The following DLC1 variants were observed in gnomAD, a reference collection of about 807,000 sequenced individuals.
The protein encoded by DLC1 is rho GTPase-activating protein 7.
A neutral mutation model predicts 140.3 loss-of-function variants in DLC1; 54 were observed. That is an observed-to-expected ratio of 0.38 (90% CI 0.31 to 0.48). DLC1 has a LOEUF of 0.48. DLC1 is among the 20% of genes least tolerant of loss of function. DLC1 has a pLI of 0.96. For synonymous variants in DLC1, 986 were observed against 728.1 expected (o/e 1.35, Z -5.70); for missense variants, 2,536 against 1,907.0 (o/e 1.33, Z -6.14).
At chr8:13,533,661 A>G (rs543601858) in intron 1 of DLC1, among the ~76,000 whole-genome samples, 1 of 152,088 alleles carries the variant, frequency 6.6e-6, no homozygotes, top group South Asian at 2.1e-4. Flanking sequence ...GATGCTTAAA[A>G]CCCGCTCCAT....
At chr8:13,406,038 G>C (rs991893272) in intron 2 of DLC1, among the ~76,000 whole-genome samples, 3 of 136,330 alleles carry the variant, frequency 2.2e-5, no homozygotes, top group African/African-American at 8.3e-5. Flanking sequence ...ATGGAGTCCA[G>C]CTCTGTCTCC....
At chr8:13,496,944 G>A (rs1392181128) in intron 2 of DLC1, among the ~76,000 whole-genome samples, 1 of 151,728 alleles carries the variant, frequency 6.6e-6, no homozygotes, top group Non-Finnish European at 1.5e-5. Flanking sequence ...GGGACTATAG[G>A]CGCCTGCCAC....
At chr8:13,188,603 CTTT>C (rs769280491) in intron 5 of DLC1, among the ~76,000 whole-genome samples, 1 of 116,176 alleles carries the variant, frequency 8.6e-6, no homozygotes, top group Non-Finnish European at 1.7e-5. Flanking sequence ...ATGTCTATTA[CTTT>C]TTTTTTTTTT....
chr8:13,493,804 A>G (rs1469075066), intron 2 of DLC1, among the ~76,000 whole-genome samples: 1 of 151,976 alleles, frequency 6.6e-6, no homozygotes, highest in East Asian at 1.9e-4. Context: ...TATGTCACCC[A>G]TTGGTCAATG....
chr8:13,360,477 G>A (rs1835171228), intron 4 of DLC1, among the ~76,000 whole-genome samples: 1 of 152,144 alleles, frequency 6.6e-6, no homozygotes, highest in South Asian at 2.1e-4. Context: ...AACCATGGCT[G>A]CACATTGACA....
intron 2 of DLC1, among the ~76,000 whole-genome samples, chr8:13,496,298 C>A (rs1354110783): frequency 1.3e-5 from 2 of 152,044 alleles, no homozygotes; most frequent in African/African-American, 4.8e-5. Context: ...AATAATAATG[C>A]AGATAAAAGG....
intron 2 of DLC1, among the ~76,000 whole-genome samples, chr8:13,411,403 A>G (rs1837774850): frequency 6.6e-6 from 1 of 152,204 alleles, no homozygotes; most frequent in Admixed American, 6.5e-5. Flanking sequence ...GGAAGGGATG[A>G]AAATCCAGAC....
chr8:13,447,375 T>C lies in DLC1; in HGVS notation c.1024-45756A>G, dbSNP rs751298537. ...CACTAACCTTTTGCGTGACATTGAG[T>C]AATACCTATTTGGCATGAACCAGGT... On this transcript the variant is annotated intron_variant, in intron 2 of 17. Coordinates refer to ENST00000276297, the MANE Select transcript of DLC1 (RefSeq NM_182643.3). Among the ~76,000 whole-genome samples the C allele has an allele frequency of 3.9e-4, 60 of 152,340 alleles. 1 individual carries two copies. The Middle Eastern group carries it at 0.014, about 35-fold the overall frequency.
chr8:13,331,124 C>G (rs1833568901), intron 4 of DLC1, among the ~76,000 whole-genome samples: 1 of 152,128 alleles, frequency 6.6e-6, no homozygotes, highest in Non-Finnish European at 1.5e-5. Flanking sequence ...CTTATTGCAG[C>G]CTTCTAGTAA....
chr8:13,152,768 G>C (rs1254390164), intron 5 of DLC1, among the ~76,000 whole-genome samples: 2 of 126,006 alleles, frequency 1.6e-5, no homozygotes. Context: ...AGCAAACCAT[G>C]ATCTTGCCAC....
intron 5 of DLC1, among the ~76,000 whole-genome samples, chr8:13,196,311 G>GA (rs1239198337): frequency 1.3e-5 from 2 of 152,036 alleles, no homozygotes; most frequent in Admixed American, 6.6e-5. Context: ...GATACAAGAA[G>GA]AAAAAAATAT....
At chr8:13,357,135 G>A (rs1345109580) in intron 4 of DLC1, among the ~76,000 whole-genome samples, 3 of 152,142 alleles carry the variant, frequency 2.0e-5, no homozygotes, top group African/African-American at 7.2e-5. Context: ...GTGGGGCATG[G>A]TGATGTGTGC....
At chr8:13,101,836 G>A (rs561615538) in intron 8 of DLC1, among the ~76,000 whole-genome samples, 62 of 152,260 alleles carry the variant, frequency 4.1e-4, no homozygotes, top group Non-Finnish European at 2.1e-4. Flanking sequence ...CAGGACTCAG[G>A]GATAAGCTGT....
chr8:13,149,529 TC>T (rs1438055496), intron 5 of DLC1, among the ~76,000 whole-genome samples: 1 of 152,194 alleles, frequency 6.6e-6, no homozygotes, highest in Non-Finnish European at 1.5e-5. Flanking sequence ...CTGTGTCTAT[TC>T]CTCATCTCAG....
intron 5 of DLC1, among the ~76,000 whole-genome samples, chr8:13,270,084 A>G (rs1027737914): frequency 6.6e-6 from 1 of 151,970 alleles, no homozygotes; most frequent in African/African-American, 2.4e-5. Flanking sequence ...AAATTAAAAA[A>G]CTTTCAAGTT....
At chr8:13,306,429 C>T (rs772741507) in intron 4 of DLC1, among the ~76,000 whole-genome samples, 3 of 152,014 alleles carry the variant, frequency 2.0e-5, no homozygotes, top group Non-Finnish European at 4.4e-5. Flanking sequence ...GGATTTGATG[C>T]CTTCCACCCC....
chr8:13,369,563 C>A (rs373768972), intron 4 of DLC1, among the ~76,000 whole-genome samples: 4 of 152,122 alleles, frequency 2.6e-5, no homozygotes, highest in Admixed American at 1.3e-4. Context: ...GTAGCTCGGG[C>A]AGAAGCCCTG....
chr8:13,205,681 C>A (rs1009241788), intron 5 of DLC1, among the ~76,000 whole-genome samples: 2 of 152,136 alleles, frequency 1.3e-5, no homozygotes, highest in African/African-American at 4.8e-5. Context: ...GGGCTGCATT[C>A]AAAGCTGTCT....
Position 13,453,400 on chromosome 8 carries a change from ATGTGT to A in DLC1, c.1023+45644_1023+45648del, listed in dbSNP as rs1563359456. Among the ~76,000 whole-genome samples the A allele has an allele frequency of 1.7e-3, 65 of 38,852 alleles. 6 individuals carry two copies. The highest frequency in any genetic ancestry group is 5.6e-3 in the African/African-American group (60 of 10,806). 25.5% of individuals were successfully genotyped at this position (38,852 alleles called of 152,430 possible). On this transcript the variant is annotated intron_variant, in intron 2 of 17. Transcript: ENST00000276297. ...AAGATGGCCCAGGATATATATATAT[ATGTGT>A]ATATATATATATATATATGTGTATA...
Sources: gnomAD v4.1 joint callset for allele counts (sites outside exome capture counted in the v4.1 genomes callset) on GRCh38, gnomAD v4.1.1 for gene constraint, MANE v1.5 for transcripts, NCBI Gene and HGNC (gene_info 2026-07-23, HGNC 2026-07-21) for gene names.